Variants in PLAAT3 observed in about 807,000 individuals in gnomAD.
PLAAT3 encodes the protein phospholipase A and acyltransferase 3, also known as Ca-independent phospholipase A1/2.
In PLAAT3, 21 loss-of-function variants were observed where a neutral mutation model predicts 16.7. That is an observed-to-expected ratio of 1.26 (90% CI 0.89 to 1.81). PLAAT3 has a LOEUF of 1.81. Among genes scored for constraint, PLAAT3 ranks in the 40% most tolerant of loss-of-function variants. The pLI is 0.00. For missense variants in PLAAT3, 219 were observed against 213.7 expected (o/e 1.02, Z -0.16); for synonymous variants, 76 against 81.7 (o/e 0.93, Z 0.38).
chr11:63,601,750 C>T (rs966612505), intron 2 of PLAAT3, among the ~76,000 whole-genome samples: 1 of 152,012 alleles, frequency 6.6e-6, no homozygotes, highest in African/African-American at 2.4e-5. Flanking sequence ...CCAAGGTGGG[C>T]GGATCACCCG....
chr11:63,599,216 A>T (rs1330771428), intron 2 of PLAAT3, among the ~76,000 whole-genome samples: 1 of 152,226 alleles, frequency 6.6e-6, no homozygotes, highest in Admixed American at 6.5e-5. Flanking sequence ...AGCCCATCAG[A>T]GGCTGGTTCT....
chr11:63,589,959 G>A (rs1368440826), intron 4 of PLAAT3, 141 bp downstream of exon 4: 2 of 199,464 alleles, frequency 1.0e-5, no homozygotes, highest in Non-Finnish European at 1.5e-5. Context: ...CCCCACCCTT[G>A]TCCCAACTGT....
intron 2 of PLAAT3, among the ~76,000 whole-genome samples, chr11:63,607,389 C>G (rs1938593690): frequency 6.6e-6 from 1 of 152,050 alleles, no homozygotes. Context: ...AATGGGGACA[C>G]AGTGGCATGT....
chr11:63,615,698 C>G (rs1032340505), upstream of PLAAT3, among the ~76,000 whole-genome samples: 5 of 147,154 alleles, frequency 3.4e-5, no homozygotes, highest in Admixed American at 2.0e-4. Flanking sequence ...TTGAGACAGT[C>G]TCACTCTGTC....
intron 3 of PLAAT3, among the ~76,000 whole-genome samples, chr11:63,597,735 G>A (rs1565253242): frequency 6.6e-6 from 1 of 152,070 alleles, no homozygotes; most frequent in African/African-American, 2.4e-5. Flanking sequence ...CAAGCGATGG[G>A]GAGCAGCTGC....
chr11:63,582,578 C>T (rs1000931269), intron 4 of PLAAT3, among the ~76,000 whole-genome samples: 2 of 152,184 alleles, frequency 1.3e-5, no homozygotes, highest in African/African-American at 4.8e-5. Flanking sequence ...CCACTTCCCT[C>T]CCAAAACAGA....
At chr11:63,615,070 A>ATATGTGTATATATATGTG (rs1565259595), upstream of PLAAT3, among the ~76,000 whole-genome samples, 1 of 49,602 alleles carries the variant, frequency 2.0e-5, no homozygotes, top group Non-Finnish European at 5.8e-5. Context: ...ATATGTGTGT[A>ATATGTGTATATATATGTG]TATATGTGTG....
chr11:63,600,224 C>A (rs954306454), intron 2 of PLAAT3, among the ~76,000 whole-genome samples: 1 of 152,210 alleles, frequency 6.6e-6, no homozygotes, highest in African/African-American at 2.4e-5. Context: ...CTCAAGGGAA[C>A]CTCCCACTTC....
upstream of PLAAT3, among the ~76,000 whole-genome samples, chr11:63,615,076 G>GTGAATATA (rs1938808333): frequency 3.2e-5 from 1 of 31,678 alleles, no homozygotes; most frequent in Non-Finnish European, 9.0e-5. Context: ...GTGTATATAT[G>GTGAATATA]TGTGTATATA....
chr11:63,598,247 T>G, intron 2 of PLAAT3, 84 bp from the exon 3 acceptor site: 1 of 891,954 alleles, frequency 1.1e-6, no homozygotes, highest in Non-Finnish European at 1.9e-6. Context: ...TGCAGCTGAG[T>G]GGTCCCCAGC....
chr11:63,607,982 C>T (rs1173092970), intron 2 of PLAAT3, among the ~76,000 whole-genome samples: 1 of 151,952 alleles, frequency 6.6e-6, no homozygotes, highest in African/African-American at 2.4e-5. Flanking sequence ...GTCAGGAGAT[C>T]GAGACCATCC....
At chr11:63,576,757 T>C (rs1303299814) in intron 4 of PLAAT3, among the ~76,000 whole-genome samples, 1 of 152,228 alleles carries the variant, frequency 6.6e-6, no homozygotes, top group African/African-American at 2.4e-5. Flanking sequence ...TTAGCATCTC[T>C]TTCCTAACCT....
At chr11:63,590,762 C>T (rs1400743513) in intron 3 of PLAAT3, among the ~76,000 whole-genome samples, 1 of 152,210 alleles carries the variant, frequency 6.6e-6, no homozygotes, top group East Asian at 1.9e-4. Flanking sequence ...CACAAAGCTG[C>T]TTACTGCAGA....
intron 2 of PLAAT3, among the ~76,000 whole-genome samples, chr11:63,600,820 T>G (rs1938407236): frequency 6.6e-6 from 1 of 151,316 alleles, no homozygotes; most frequent in Non-Finnish European, 1.5e-5. Flanking sequence ...GCCAGGCTGG[T>G]CTTGAACTCC....
At chr11:63,587,755 C>G (rs969771026) in intron 4 of PLAAT3, among the ~76,000 whole-genome samples, 2 of 151,782 alleles carry the variant, frequency 1.3e-5, no homozygotes, top group South Asian at 4.2e-4. Flanking sequence ...TCTCAGTAAA[C>G]TATTAGGGGA....
chr11:63,599,639 A>G (rs1938374111), intron 2 of PLAAT3, among the ~76,000 whole-genome samples: 1 of 152,064 alleles, frequency 6.6e-6, no homozygotes, highest in Non-Finnish European at 1.5e-5. Context: ...AATAGAGGGC[A>G]CTCAGTTCTT....
chr11:63,598,917 C>T (rs11231528), intron 2 of PLAAT3, among the ~76,000 whole-genome samples: 1 of 151,914 alleles, frequency 6.6e-6, no homozygotes, highest in South Asian at 2.1e-4. Flanking sequence ...AGTGAGTGTG[C>T]GTATGTGAGA....
chr11:63,576,194 G>T (rs1373366968), intron 4 of PLAAT3, among the ~76,000 whole-genome samples: 2 of 152,086 alleles, frequency 1.3e-5, no homozygotes, highest in Non-Finnish European at 2.9e-5. Context: ...AGCCCACCCA[G>T]ATCATCCTGC....
chr11:63,613,861 G>A (rs895919098), intron 2 of PLAAT3, 139 bp downstream of exon 2: 3 of 648,024 alleles, frequency 4.6e-6, no homozygotes, highest in African/African-American at 3.7e-5. Context: ...TGACACCGAT[G>A]CCTCGCAGCT....
Sources: allele counts gnomAD v4.1 joint callset (sites outside exome capture counted in the v4.1 genomes callset), GRCh38; gene constraint gnomAD v4.1.1; transcripts MANE v1.5; gene names NCBI Gene and HGNC (gene_info 2026-07-23, HGNC 2026-07-21).